The following ANXA4 variants were observed in gnomAD, a reference collection of about 807,000 sequenced individuals.
ANXA4 encodes the protein annexin A4.
In ANXA4, 39 loss-of-function variants were observed where a neutral mutation model predicts 49.8. The observed-to-expected ratio is 0.78, with a 90% CI of 0.61 to 1.02. The LOEUF is 1.02. Among genes scored for constraint, ANXA4 ranks in the 50% least tolerant of loss-of-function variants. The pLI, the probability that ANXA4 is intolerant of heterozygous loss-of-function variation, is 0.00. For synonymous variants in ANXA4, 134 were observed against 152.5 expected (o/e 0.88, Z 0.89); for missense variants, 360 against 410.1 (o/e 0.88, Z 1.05).
At chr2:69,668,695 G>A (rs1677035671) in intron 2 of ANXA4, among the ~76,000 whole-genome samples, 1 of 152,088 alleles carries the variant, frequency 6.6e-6, no homozygotes, top group Non-Finnish European at 1.5e-5. Context: ...CCTTCTGCAT[G>A]TGGAAATTCA....
At chr2:69,668,965 C>G (rs1260795111) in intron 2 of ANXA4, among the ~76,000 whole-genome samples, 1 of 150,372 alleles carries the variant, frequency 6.7e-6, no homozygotes, top group Non-Finnish European at 1.5e-5. Flanking sequence ...AAGGCAGAGT[C>G]TCGCTCTATC....
rs916740716 is a variant in ANXA4, at chr2:69,706,292, C to CTTTTT, written n.767-14457_767-14453dup. 3.2e-4 allele frequency among the ~76,000 whole-genome samples: 19 copies of CTTTTT among 59,312 alleles called. 3 individuals carry two copies. The highest frequency in any genetic ancestry group is 4.7e-4 in the Non-Finnish European group (16 of 33,982). 38.9% of individuals were successfully genotyped at this position (59,312 alleles called of 152,430 possible). A position where few individuals can be genotyped will look rare whatever the true frequency, so the allele number is the denominator to read the frequency against. ...ATATAGTAGCACATTGGTACAATTC[C>CTTTTT]TTTTTTTTTTTTTTTTTTTTTTTTT... is the stretch of plus-strand genomic sequence containing the variant. On this transcript the variant is annotated intron_variant and non_coding_transcript_variant, in intron 2 of 3. Transcript: ENST00000418066.
intron 1 of ANXA4, among the ~76,000 whole-genome samples, chr2:69,755,380 G>A (rs1671003364): frequency 6.6e-6 from 1 of 152,228 alleles, no homozygotes. Flanking sequence ...AGCACTTTGG[G>A]AGGCCGAGGC....
intron 2 of ANXA4, among the ~76,000 whole-genome samples, chr2:69,707,632 G>A (rs1306684663): frequency 6.6e-6 from 1 of 151,936 alleles, no homozygotes; most frequent in Non-Finnish European, 1.5e-5. Flanking sequence ...TTATTTATGG[G>A]GTACATGAGA....
rs115873233 is a variant in ANXA4 at position 69,724,452 on chromosome 2, A to T, written n.864+3581A>T. 8.9e-3 allele frequency among the ~76,000 whole-genome samples: 1,359 copies of T among 152,298 alleles called. 26 individuals carry two copies. Among genetic ancestry groups the T allele is most frequent in the African/African-American group, 0.031 (1,308 of 41,562 alleles). On this transcript the variant is annotated intron_variant and non_coding_transcript_variant, in intron 3 of 3. Coordinates refer to the ANXA4 transcript ENST00000418066. ...AAAGAAGACTTTTTCTAATTAGTAC[A>T]AATACGTCAGGCAGGTATGGGCTAA...
At chr2:69,753,551 C>T (rs1019611148) in intron 1 of ANXA4, among the ~76,000 whole-genome samples, 1 of 152,236 alleles carries the variant, frequency 6.6e-6, no homozygotes, top group African/African-American at 2.4e-5. Context: ...CTCCAGACAT[C>T]ATGTCCTGAC....
At chr2:69,663,130 C>T (rs917357537) in intron 2 of ANXA4, among the ~76,000 whole-genome samples, 2 of 149,658 alleles carry the variant, frequency 1.3e-5, no homozygotes, top group Non-Finnish European at 3.0e-5. Context: ...GTAGCTGGGA[C>T]TACAGGCGCC....
At chr2:69,765,257 T>C (rs1252201389) in intron 1 of ANXA4, among the ~76,000 whole-genome samples, 1 of 152,226 alleles carries the variant, frequency 6.6e-6, no homozygotes, top group African/African-American at 2.4e-5. Flanking sequence ...AGTGGAATTG[T>C]TGGACCATAT....
intron 2 of ANXA4, among the ~76,000 whole-genome samples, chr2:69,675,255 C>T (rs1677362499): frequency 6.6e-6 from 1 of 152,120 alleles, no homozygotes; most frequent in Non-Finnish European, 1.5e-5. Flanking sequence ...TCATCCTGCC[C>T]CATACAAAGA....
chr2:69,800,235 C>A (rs1282147303), intron 3 of ANXA4, among the ~76,000 whole-genome samples: 1 of 152,172 alleles, frequency 6.6e-6, no homozygotes, highest in Admixed American at 6.5e-5. Context: ...CTTCTTTTCC[C>A]TTTTTCATAA....
At chr2:69,656,365 ATG>A (rs1313838992) in intron 2 of ANXA4, among the ~76,000 whole-genome samples, 8 of 131,000 alleles carry the variant, frequency 6.1e-5, no homozygotes, top group African/African-American at 1.8e-4. Flanking sequence ...GTGTATATAT[ATG>A]TGTATATATG....
At position 69,812,634 on chromosome 2, in the gene ANXA4, T is replaced by C; in HGVS notation, c.478-19T>C. 2 of 1,610,284 alleles carry C rather than the reference T, an allele frequency of 1.2e-6. No individual in the cohort carries two copies. Among genetic ancestry groups the C allele is most frequent in the Non-Finnish European group, 1.7e-6 (2 of 1,177,138 alleles). On this transcript the variant is annotated intron_variant, in intron 7 of 12. Coordinates refer to ENST00000394295, the MANE Select transcript of ANXA4 (RefSeq NM_001153.5). ...TGTATACTCTCGAATTATTTTTTAT[T>C]TGTTTTTCTCATCCTCAGGGTGGGA...
In ANXA4 at chr2:69,760,680, G is replaced by A. The variant is rs146938523; in HGVS notation, c.-47+18505G>A. On this transcript the variant is annotated intron_variant, in intron 1 of 12. Coordinates refer to ENST00000394295, the MANE Select transcript of ANXA4 (RefSeq NM_001153.5). ...ATTATGTTTTTCTTTTTCTTTTTTA[G>A]CAAATGGGGAAATGAAGGCACTGAG... 3.0e-3 allele frequency among the ~76,000 whole-genome samples: 450 copies of A among 151,646 alleles called. 5 individuals carry two copies. Among genetic ancestry groups the A allele is most frequent in the Admixed American group, 7.4e-3 (113 of 15,202 alleles).
chr2:69,671,891 C>T (rs1677206332), intron 2 of ANXA4, among the ~76,000 whole-genome samples: 1 of 152,180 alleles, frequency 6.6e-6, no homozygotes, highest in African/African-American at 2.4e-5. Flanking sequence ...GCAACTAGAA[C>T]TCTCATTCAC....
At chr2:69,773,592 T>A (rs1348727332) in intron 1 of ANXA4, among the ~76,000 whole-genome samples, 1 of 150,304 alleles carries the variant, frequency 6.7e-6, no homozygotes, top group Non-Finnish European at 1.5e-5. Context: ...TGTTTTATTC[T>A]CCTTTCTTTT....
intron 2 of ANXA4, among the ~76,000 whole-genome samples, chr2:69,706,753 C>G (rs1475339329): frequency 1.3e-5 from 2 of 152,274 alleles, no homozygotes; most frequent in African/African-American, 2.4e-5. Flanking sequence ...TATACGTGAC[C>G]TTTTGTGTCT....
chr2:69,800,752 C>A (rs2103787898), intron 3 of ANXA4, among the ~76,000 whole-genome samples: 1 of 152,212 alleles, frequency 6.6e-6, no homozygotes, highest in South Asian at 2.1e-4. Context: ...CATGGTAAAT[C>A]CACAGAAAAG....
chr2:69,757,264 A>AT (rs1268414575), intron 1 of ANXA4, among the ~76,000 whole-genome samples: 76 of 28,028 alleles, frequency 2.7e-3, no homozygotes, highest in Admixed American at 3.9e-3. Context: ...ATATATATAT[A>AT]TATTTTTTTT....
Position 69,819,261 on chromosome 2 carries a change from CT to C in ANXA4, c.725-10del, listed in dbSNP as rs577282840. 1.3e-4 allele frequency: 202 copies of C among 1,536,340 alleles called. No individual in the cohort carries two copies. The highest frequency in any genetic ancestry group is 2.1e-4 in the South Asian group (18 of 83,780). On this transcript the variant is annotated intron_variant, in intron 10 of 12. Transcript: ENST00000394295. The stretch of plus-strand genomic sequence containing the variant: ...CTTATCTGTAATCTTTTCATTTCTT[CT>C]TTTTTTTTCTTTGACAGTAAAGTGC...
Sources: allele counts gnomAD v4.1 joint callset (sites outside exome capture counted in the v4.1 genomes callset), GRCh38; gene constraint gnomAD v4.1.1; transcripts MANE v1.5; gene names NCBI Gene and HGNC (gene_info 2026-07-23, HGNC 2026-07-21).